Variants in TBC1D19 observed in about 807,000 individuals in gnomAD.
TBC1D19 encodes TBC1 domain family, member 19.
A neutral mutation model predicts 89.0 loss-of-function variants in TBC1D19; 60 were observed. That is an observed-to-expected ratio of 0.67 (90% CI 0.55 to 0.84). The LOEUF (loss-of-function observed/expected upper bound fraction) is 0.84, where lower values mean the gene tolerates loss of function less well. TBC1D19 is among the 40% of genes least tolerant of loss of function. The pLI is 0.00. For synonymous variants in TBC1D19, 189 were observed against 199.7 expected (o/e 0.95, Z 0.45); for missense variants, 500 against 610.8 (o/e 0.82, Z 1.91).
chr4:26,611,448 T>A (rs1741375660), intron 1 of TBC1D19, among the ~76,000 whole-genome samples: 1 of 151,742 alleles, frequency 6.6e-6, no homozygotes, highest in Non-Finnish European at 1.5e-5. Flanking sequence ...GCTCAACATG[T>A]TCCTCTGCCC....
At chr4:26,626,922 G>A (rs1742450108) in intron 4 of TBC1D19, among the ~76,000 whole-genome samples, 1 of 144,844 alleles carries the variant, frequency 6.9e-6, no homozygotes, top group Non-Finnish European at 1.5e-5. Flanking sequence ...AAGTTTCAGG[G>A]TACATGTGCA....
intron 15 of TBC1D19, among the ~76,000 whole-genome samples, chr4:26,733,940 A>C (rs913460687): frequency 1.3e-5 from 2 of 152,198 alleles, no homozygotes; most frequent in African/African-American, 4.8e-5. Context: ...ATAAAATAAA[A>C]TATGGAAGCT....
chr4:26,852,290 A>G, the TBC1D19 span, among the ~76,000 whole-genome samples: 3 of 152,172 alleles, frequency 2.0e-5, no homozygotes, highest in African/African-American at 4.8e-5. Context: ...GTGGTGGCTC[A>G]CACCTATAAT....
intron 3 of TBC1D19, among the ~76,000 whole-genome samples, chr4:26,615,388 A>G (rs539842600): frequency 2.6e-4 from 40 of 152,234 alleles, no homozygotes; most frequent in Non-Finnish European, 5.4e-4. Flanking sequence ...AGTATAGAAC[A>G]ATAAACAATT....
At chr4:26,744,653 C>T (rs182157582) in intron 18 of TBC1D19, among the ~76,000 whole-genome samples, 8 of 151,912 alleles carry the variant, frequency 5.3e-5, no homozygotes, top group Admixed American at 2.6e-4. Flanking sequence ...TGTAAAAGTA[C>T]GTTGTTTAAT....
At chr4:26,792,522 G>C in the TBC1D19 span, among the ~76,000 whole-genome samples, 1 of 152,160 alleles carries the variant, frequency 6.6e-6, no homozygotes, top group African/African-American at 2.4e-5. Flanking sequence ...GGCGAATATG[G>C]GGTCAGGAAA....
chr4:26,840,006 G>C, the TBC1D19 span, among the ~76,000 whole-genome samples: 1 of 151,708 alleles, frequency 6.6e-6, no homozygotes, highest in Non-Finnish European at 1.5e-5. Context: ...TAAATATTTT[G>C]ATTTTTTTTT....
Position 26,589,262 on chromosome 4 carries a change from G to A in TBC1D19, c.99+4970G>A, listed in dbSNP as rs115272801. Among the ~76,000 whole-genome samples, 975 of 152,088 alleles carry A rather than the reference G, an allele frequency of 6.4e-3. 9 individuals carry two copies. The highest frequency in any genetic ancestry group is 0.023 in the African/African-American group (933 of 41,456). Reference sequence around the variant, plus strand: ...TGCCCTTCAACCTAGGGGACAGAGCGAGACTCCATCTCAAAAACACAAACA... The same window carrying A: ...TGCCCTTCAACCTAGGGGACAGAGCAAGACTCCATCTCAAAAACACAAACA... On this transcript the variant is annotated intron_variant, in intron 1 of 20. Coordinates refer to ENST00000264866, the MANE Select transcript of TBC1D19 (RefSeq NM_018317.4).
At chr4:26,599,367 C>A (rs1204387231) in intron 1 of TBC1D19, among the ~76,000 whole-genome samples, 2 of 152,122 alleles carry the variant, frequency 1.3e-5, no homozygotes, top group Non-Finnish European at 2.9e-5. Context: ...TTCTGTACTG[C>A]CTTCGTTTTA....
At chr4:26,614,676 A>T (rs1355649788) in intron 3 of TBC1D19, among the ~76,000 whole-genome samples, 4 of 151,870 alleles carry the variant, frequency 2.6e-5, no homozygotes, top group Non-Finnish European at 5.9e-5. Context: ...CCACTATTGA[A>T]TTTTTTTATT....
intron 15 of TBC1D19, 100 bp downstream of exon 15, chr4:26,720,225 T>G: frequency 1.2e-6 from 1 of 849,166 alleles, no homozygotes; most frequent in Non-Finnish European, 1.8e-6. Context: ...GATAATCATT[T>G]ATTATCTAAA....
the TBC1D19 span, among the ~76,000 whole-genome samples, chr4:26,822,508 C>G: frequency 6.6e-5 from 10 of 152,238 alleles, no homozygotes; most frequent in African/African-American, 2.4e-4. Flanking sequence ...AAATAAAGTT[C>G]CATGGAAATA....
the TBC1D19 span, among the ~76,000 whole-genome samples, chr4:26,795,794 G>T: frequency 6.6e-6 from 1 of 152,156 alleles, no homozygotes; most frequent in Non-Finnish European, 1.5e-5. Context: ...GCCTAAGATA[G>T]CTAAGAGAAA....
chr4:26,643,229 C>G (rs2110084174), intron 7 of TBC1D19, among the ~76,000 whole-genome samples: 1 of 152,332 alleles, frequency 6.6e-6, no homozygotes, highest in Middle Eastern at 3.4e-3. Context: ...CAAACTGTCT[C>G]TCAGACCACA....
intron 13 of TBC1D19, among the ~76,000 whole-genome samples, chr4:26,692,741 C>G (rs1344304467): frequency 6.6e-6 from 1 of 152,192 alleles, no homozygotes; most frequent in East Asian, 1.9e-4. Context: ...ACAGAGATAA[C>G]TAGGAGGAGT....
intron 17 of TBC1D19, among the ~76,000 whole-genome samples, chr4:26,740,401 GTTATAA>G (rs1237887659): frequency 2.6e-5 from 4 of 152,104 alleles, no homozygotes; most frequent in African/African-American, 7.2e-5. Flanking sequence ...GGCCGTTGTT[GTTATAA>G]TTATAATCAT....
At chr4:26,856,115 C>T in the TBC1D19 span, among the ~76,000 whole-genome samples, 3 of 152,304 alleles carry the variant, frequency 2.0e-5, no homozygotes, top group South Asian at 6.2e-4. Flanking sequence ...AGCATCTTCC[C>T]TTTCCCCATC....
intron 1 of TBC1D19, among the ~76,000 whole-genome samples, chr4:26,593,144 T>C (rs1232143168): frequency 6.6e-6 from 1 of 152,086 alleles, no homozygotes; most frequent in Non-Finnish European, 1.5e-5. Context: ...AACAGAGATA[T>C]AGACCAATGG....
the TBC1D19 span, among the ~76,000 whole-genome samples, chr4:26,848,047 G>A: frequency 6.6e-6 from 1 of 152,194 alleles, no homozygotes; most frequent in Non-Finnish European, 1.5e-5. Flanking sequence ...AACGGATTTG[G>A]TAGTCATTAA....
Sources: gnomAD v4.1 joint callset for allele counts (sites outside exome capture counted in the v4.1 genomes callset) on GRCh38, gnomAD v4.1.1 for gene constraint, MANE v1.5 for transcripts, NCBI Gene and HGNC (gene_info 2026-07-23, HGNC 2026-07-21) for gene names.